Variants in WDR72 observed in about 807,000 individuals in gnomAD.
WDR72 encodes the protein WD repeat-containing protein 72.
Under a neutral mutation model 124.2 loss-of-function variants are expected in WDR72, and 120 were observed. That is an observed-to-expected ratio of 0.97 (90% CI 0.83 to 1.12). WDR72 has a LOEUF of 1.12. Among genes scored for constraint, WDR72 ranks in the 50% most tolerant of loss-of-function variants. The pLI, the probability that WDR72 is intolerant of heterozygous loss-of-function variation, is 0.00. For synonymous variants in WDR72, 452 were observed against 441.7 expected, an observed-to-expected ratio of 1.02 and a Z score of -0.29; for missense variants, 1,387 against 1,278.8, an observed-to-expected ratio of 1.08 and a Z score of -1.29.
At chr15:53,681,255 T>C (rs2016373420) in intron 13 of WDR72, among the ~76,000 whole-genome samples, 1 of 152,102 alleles carries the variant, frequency 6.6e-6, no homozygotes, top group South Asian at 2.1e-4. Flanking sequence ...TACTGGGAAG[T>C]TGCTAGGGAA....
intron 18 of WDR72, among the ~76,000 whole-genome samples, chr15:53,551,133 A>C (rs867573513): frequency 6.6e-6 from 1 of 152,032 alleles, no homozygotes; most frequent in African/African-American, 2.4e-5. Context: ...TCACTTGAAA[A>C]GATTTGTGAA....
chr15:53,529,164 A>ATATATATTT (rs59003623), intron 18 of WDR72, among the ~76,000 whole-genome samples: 7 of 78,166 alleles, frequency 9.0e-5, no homozygotes, highest in South Asian at 3.8e-4. Context: ...ATATATATAT[A>ATATATATTT]TTTTTTTTTT....
chr15:53,744,011 C>T (rs1183940121), intron 1 of WDR72, among the ~76,000 whole-genome samples: 1 of 151,790 alleles, frequency 6.6e-6, no homozygotes, highest in Non-Finnish European at 1.5e-5. Flanking sequence ...TGAATCTTCT[C>T]TTCAGATCAA....
At chr15:53,756,046 T>C (rs893497044) in intron 1 of WDR72, among the ~76,000 whole-genome samples, 2 of 152,300 alleles carry the variant, frequency 1.3e-5, no homozygotes, top group East Asian at 1.9e-4. Flanking sequence ...TTCTAATCTA[T>C]ACTAAAGCAA....
At chr15:53,574,086 A>T (rs941719075) in intron 18 of WDR72, among the ~76,000 whole-genome samples, 2 of 152,164 alleles carry the variant, frequency 1.3e-5, no homozygotes, top group Admixed American at 6.5e-5. Context: ...GTATCTCTTG[A>T]TGTATGACAG....
At chr15:53,679,106 G>C (rs2016287442) in intron 13 of WDR72, among the ~76,000 whole-genome samples, 1 of 152,144 alleles carries the variant, frequency 6.6e-6, no homozygotes, top group African/African-American at 2.4e-5. Context: ...ACCCAGAACA[G>C]GTAAATTCAC....
chr15:53,716,249 G>T (rs1375733187), intron 4 of WDR72, among the ~76,000 whole-genome samples: 1 of 152,086 alleles, frequency 6.6e-6, no homozygotes, highest in Non-Finnish European at 1.5e-5. Context: ...TTGGAAATGA[G>T]GGAGAAAAAA....
At chr15:53,619,539 C>G (rs1338845793) in intron 14 of WDR72, among the ~76,000 whole-genome samples, 1 of 151,914 alleles carries the variant, frequency 6.6e-6, no homozygotes, top group Non-Finnish European at 1.5e-5. Flanking sequence ...CCAACAAAGA[C>G]AAATATTTTT....
At chr15:53,609,437 G>C (rs1311325380) in intron 17 of WDR72, 76 bp downstream of exon 17, 2 of 1,285,752 alleles carry the variant, frequency 1.6e-6, no homozygotes, top group Non-Finnish European at 2.3e-6. Flanking sequence ...TGTATTTTCA[G>C]ATAGAGGGGG....
Position 53,613,689 on chromosome 15 carries a change from C to G in WDR72, c.2849G>C (p.Ser950Thr). ...GAGNDILNMS[S>T]FYSCLRNGKN... ...ACCATTTCGTAAGCAACTGTAGAAGCTTGACATATTTAAAATGTCATTCCC... is the reference window on the plus strand; with the variant it reads ...ACCATTTCGTAAGCAACTGTAGAAGGTTGACATATTTAAAATGTCATTCCC... Residue 950 changes from serine to threonine, a missense_variant, in exon 16 of 20, where the codon AGC becomes ACC. Coordinates refer to ENST00000360509, the MANE Select transcript of WDR72 (RefSeq NM_182758.4). 6.2e-7 allele frequency: 1 copy of G among 1,610,508 alleles called. No individual in the cohort carries two copies. Among genetic ancestry groups the G allele is most frequent in the Non-Finnish European group, 8.5e-7 (1 of 1,177,914 alleles).
At chr15:53,691,511 C>T (rs1200745429) in intron 13 of WDR72, among the ~76,000 whole-genome samples, 1 of 152,158 alleles carries the variant, frequency 6.6e-6, no homozygotes, top group African/African-American at 2.4e-5. Flanking sequence ...ACCTTTGATA[C>T]ACAAAAGTTT....
At chr15:53,639,536 A>G (rs4774670) in intron 14 of WDR72, among the ~76,000 whole-genome samples, 1 of 146,592 alleles carries the variant, frequency 6.8e-6, no homozygotes, top group Non-Finnish European at 1.5e-5. Context: ...TTATAAAATT[A>G]TATATAATTT....
chr15:53,634,339 C>A (rs528146121), intron 14 of WDR72, among the ~76,000 whole-genome samples: 1 of 152,308 alleles, frequency 6.6e-6, no homozygotes, highest in Non-Finnish European at 1.5e-5. Flanking sequence ...TGACCTCAAA[C>A]TGCCTGAAGG....
intron 18 of WDR72, among the ~76,000 whole-genome samples, chr15:53,586,119 A>G (rs2012200110): frequency 6.6e-6 from 1 of 152,032 alleles, no homozygotes; most frequent in African/African-American, 2.4e-5. Context: ...TCAAGTACAT[A>G]GCTTGGGAAA....
intron 2 of WDR72, among the ~76,000 whole-genome samples, chr15:53,729,643 C>T (rs900820103): frequency 6.6e-6 from 1 of 152,140 alleles, no homozygotes; most frequent in Non-Finnish European, 1.5e-5. Flanking sequence ...GCAAAATGCT[C>T]ATGTCTTTCA....
intron 18 of WDR72, among the ~76,000 whole-genome samples, chr15:53,567,576 A>G (rs1242399436): frequency 6.6e-6 from 1 of 152,082 alleles, no homozygotes; most frequent in African/African-American, 2.4e-5. Context: ...TTTTGTTTAT[A>G]TAACCAGTTT....
chr15:53,519,430 T>G (rs1442693760), intron 19 of WDR72, among the ~76,000 whole-genome samples: 1 of 152,104 alleles, frequency 6.6e-6, no homozygotes, highest in African/African-American at 2.4e-5. Flanking sequence ...ACTGTCTCAG[T>G]GCTTCTATTA....
Position 53,722,811 on chromosome 15 carries a change from G to C in WDR72, c.251C>G (p.Ala84Gly). 6.2e-7 allele frequency: 1 copy of C among 1,613,966 alleles called. No individual in the cohort carries two copies. The highest frequency in any genetic ancestry group is 1.1e-5 in the South Asian group (1 of 91,082). Reference sequence around the variant, plus strand: ...TACATACCATACCTACCCATTTTCAGCAGCACTAACAATGTAGGGCTGTTT... The same window carrying C: ...TACATACCATACCTACCCATTTTCACCAGCACTAACAATGTAGGGCTGTTT... Reference protein sequence around the residue: ...FSKQPYIVSAAENGEMCVWNV... With the variant: ...FSKQPYIVSAGENGEMCVWNV... The change falls in exon 3 of 20, where the codon GCT becomes GGT. Residue 84 changes from alanine to glycine, a missense_variant. By Grantham distance (60) the Ala-to-Gly change is moderately conservative. Transcript: ENST00000360509.
chr15:53,599,113 G>GTA (rs146874721), intron 17 of WDR72, among the ~76,000 whole-genome samples: 113 of 149,682 alleles, frequency 7.5e-4, no homozygotes, highest in African/African-American at 2.0e-3. Context: ...GACAAATATG[G>GTA]TATATATATA....
Sources: gnomAD v4.1 joint callset for allele counts (sites outside exome capture counted in the v4.1 genomes callset) on GRCh38, gnomAD v4.1.1 for gene constraint, MANE v1.5 for transcripts, NCBI Gene and HGNC (gene_info 2026-07-23, HGNC 2026-07-21) for gene names.